Variants in ACYP2 observed in about 807,000 individuals in gnomAD.
The protein encoded by ACYP2 is acylphosphatase-2.
In ACYP2, 12 loss-of-function variants were observed where a neutral mutation model predicts 11.2. The observed-to-expected ratio is 1.08, with a 90% CI of 0.69 to 1.74. The LOEUF is 1.74. Ranked by LOEUF, ACYP2 falls within the 40% of genes most tolerant of loss-of-function variation. The probability of loss-of-function intolerance (pLI) is 0.00; values close to 1 mark genes in which losing one functional copy is unlikely to be tolerated. For synonymous variants in ACYP2, 43 were observed against 32.2 expected, an observed-to-expected ratio of 1.33 and a Z score of -1.13; for missense variants, 134 against 101.9, an observed-to-expected ratio of 1.31 and a Z score of -1.35.
chr2:54,030,822 C>T (rs1000913066), intron 2 of ACYP2: 12 of 152,136 alleles, frequency 7.9e-5, no homozygotes, highest in African/African-American at 2.9e-4. Flanking sequence ...TACTCCTAAC[C>T]TTATTGTTTT....
intron 4 of ACYP2, among the ~76,000 whole-genome samples, chr2:54,132,830 C>T (rs536594269): frequency 1.1e-4 from 16 of 151,672 alleles, no homozygotes; most frequent in South Asian, 6.3e-4. Context: ...CCGAAACCTC[C>T]GCCTCCCAGG....
At chr2:54,218,151 G>A (rs535787111) in intron 6 of ACYP2, among the ~76,000 whole-genome samples, 1 of 152,262 alleles carries the variant, frequency 6.6e-6, no homozygotes, top group Admixed American at 6.5e-5. Flanking sequence ...GATCTCCTCA[G>A]TGAAAAGTAG....
chr2:54,156,826 C>A (rs185157705), intron 6 of ACYP2, among the ~76,000 whole-genome samples: 1 of 152,152 alleles, frequency 6.6e-6, no homozygotes, highest in East Asian at 1.9e-4. Context: ...GCCACCCATG[C>A]CTACCTAATT....
chr2:53,995,880 C>T (rs1672549368), intron 2 of ACYP2, among the ~76,000 whole-genome samples: 1 of 152,152 alleles, frequency 6.6e-6, no homozygotes, highest in South Asian at 2.1e-4. Flanking sequence ...CGCCTATAAT[C>T]CCAGCACGTG....
At chr2:54,072,485 T>TCTCTC (rs148598955) in intron 4 of ACYP2, among the ~76,000 whole-genome samples, 15 of 57,014 alleles carry the variant, frequency 2.6e-4, no homozygotes, top group Middle Eastern at 7.4e-3. Flanking sequence ...TCTTTCTTTC[T>TCTCTC]TTTTTCTTTC....
At chr2:54,125,338 A>G (rs1356766854) in intron 4 of ACYP2, among the ~76,000 whole-genome samples, 1 of 152,214 alleles carries the variant, frequency 6.6e-6, no homozygotes, top group Non-Finnish European at 1.5e-5. Context: ...ATAATCTTGC[A>G]TGTTGAAATT....
chr2:54,134,672 CA>C (rs1363358916), intron 4 of ACYP2, among the ~76,000 whole-genome samples: 1 of 152,192 alleles, frequency 6.6e-6, no homozygotes, highest in Non-Finnish European at 1.5e-5. Flanking sequence ...AACTAATTTT[CA>C]AAAACACTTT....
intron 2 of ACYP2, among the ~76,000 whole-genome samples, chr2:54,042,235 A>G (rs997319831): frequency 6.6e-6 from 1 of 151,914 alleles, no homozygotes; most frequent in African/African-American, 2.4e-5. Context: ...CGAACTCTCA[A>G]CCTCAGGTGA....
intron 2 of ACYP2, among the ~76,000 whole-genome samples, chr2:54,026,965 T>C (rs1377557898): frequency 1.3e-5 from 2 of 152,110 alleles, no homozygotes; most frequent in African/African-American, 4.8e-5. Context: ...TGTACACTGC[T>C]TAGGTGATGT....
chr2:54,205,087 C>T (rs936096121), intron 6 of ACYP2, among the ~76,000 whole-genome samples: 54 of 152,210 alleles, frequency 3.5e-4, no homozygotes, highest in Middle Eastern at 3.4e-3. Context: ...TAAAAGTTGC[C>T]TATCTCTCCA....
intron 6 of ACYP2, among the ~76,000 whole-genome samples, chr2:54,247,910 G>A (rs1687034380): frequency 6.6e-6 from 1 of 152,196 alleles, no homozygotes; most frequent in Admixed American, 6.5e-5. Context: ...GCTGCAGAAT[G>A]GGGACAGAAA....
chr2:54,195,654 A>AGC (rs1324551324), intron 6 of ACYP2, among the ~76,000 whole-genome samples: 1 of 149,010 alleles, frequency 6.7e-6, no homozygotes, highest in Non-Finnish European at 1.5e-5. Context: ...AAAAAAAACA[A>AGC]AACACTGTAC....
intron 4 of ACYP2, among the ~76,000 whole-genome samples, chr2:54,103,530 A>C (rs1679010325): frequency 6.6e-6 from 1 of 152,156 alleles, no homozygotes; most frequent in East Asian, 1.9e-4. Context: ...TAAATTACAC[A>C]TAGATCCATG....
intron 6 of ACYP2, among the ~76,000 whole-genome samples, chr2:54,261,273 C>T (rs1687763471): frequency 6.6e-6 from 1 of 151,730 alleles, no homozygotes; most frequent in African/African-American, 2.4e-5. Flanking sequence ...AACTTTGGAG[C>T]CTGAAATATT....
intron 6 of ACYP2, among the ~76,000 whole-genome samples, chr2:54,158,729 A>C (rs1682559627): frequency 6.6e-6 from 1 of 152,216 alleles, no homozygotes; most frequent in African/African-American, 2.4e-5. Flanking sequence ...AAACATACTG[A>C]GTAAACTAAG....
At chr2:54,225,212 C>T (rs1221846962) in intron 6 of ACYP2, among the ~76,000 whole-genome samples, 1 of 152,094 alleles carries the variant, frequency 6.6e-6, no homozygotes, top group Non-Finnish European at 1.5e-5. Context: ...TGGCTGTGGA[C>T]AACACGGCTG....
chr2:53,976,969 A>C (rs115540290), intron 2 of ACYP2, among the ~76,000 whole-genome samples: 2,087 of 152,216 alleles, frequency 0.014, 24 homozygotes, highest in African/African-American at 0.032. Context: ...AATTTTCACT[A>C]TTTTTTTGTA....
At chr2:54,172,278 A>G (rs1180158775) in intron 6 of ACYP2, among the ~76,000 whole-genome samples, 1 of 152,172 alleles carries the variant, frequency 6.6e-6, no homozygotes, top group East Asian at 1.9e-4. Context: ...GTATATAAAT[A>G]TACACATGTA....
In ACYP2 at chr2:54,017,173, A is replaced by G. The variant is rs987144349; in HGVS notation, c.63-33785A>G. On this transcript the variant is annotated intron_variant, in intron 2 of 6. Transcript: ENST00000607452. ...AAGCCCTTCTGTAAGGGCCCTTATC[A>G]CATCCATGAGGGATCAGCTCTCAGG... is the stretch of plus-strand genomic sequence containing the variant. Among the ~76,000 whole-genome samples, 6 of 151,986 alleles carry G rather than the reference A, an allele frequency of 3.9e-5. No individual in the cohort carries two copies. In the South Asian group the frequency reaches 1.3e-3, roughly 32 times the overall value.
Sources: gnomAD v4.1 joint callset for allele counts (sites outside exome capture counted in the v4.1 genomes callset) on GRCh38, gnomAD v4.1.1 for gene constraint, MANE v1.5 for transcripts, NCBI Gene and HGNC (gene_info 2026-07-23, HGNC 2026-07-21) for gene names.